The following MACROD2 variants were observed in gnomAD, a reference collection of about 807,000 sequenced individuals.
MACROD2 encodes ADP-ribose glycohydrolase MACROD2.
In MACROD2, 36 loss-of-function variants were observed where a neutral mutation model predicts 70.4. That is an observed-to-expected ratio of 0.51 (90% CI 0.39 to 0.68). The LOEUF (loss-of-function observed/expected upper bound fraction) is 0.68, where lower values mean the gene tolerates loss of function less well. Among genes scored for constraint, MACROD2 ranks in the 30% least tolerant of loss-of-function variants. The pLI, the probability that MACROD2 is intolerant of heterozygous loss-of-function variation, is 0.00. For synonymous variants in MACROD2, 172 were observed against 178.8 expected, an observed-to-expected ratio of 0.96 and a Z score of 0.30; for missense variants, 496 against 538.4, an observed-to-expected ratio of 0.92 and a Z score of 0.78.
At chr20:14,047,218 A>T (rs577575435) in intron 2 of MACROD2, among the ~76,000 whole-genome samples, 1 of 152,204 alleles carries the variant, frequency 6.6e-6, no homozygotes, top group Admixed American at 6.5e-5. Flanking sequence ...AGGCCGAGGT[A>T]GGCGGATCAC....
intron 3 of MACROD2, among the ~76,000 whole-genome samples, chr20:14,162,324 TGAG>T (rs1220341045): frequency 2.0e-5 from 3 of 152,220 alleles, no homozygotes; most frequent in Non-Finnish European, 2.9e-5. Flanking sequence ...CATGTGCTTA[TGAG>T]AAGAACATTT....
At chr20:15,406,781 A>T (rs1167502715) in intron 6 of MACROD2, among the ~76,000 whole-genome samples, 1 of 152,194 alleles carries the variant, frequency 6.6e-6, no homozygotes. Context: ...ATAGCAGCTG[A>T]GCACAGGGAG....
At chr20:14,550,094 T>G (rs1194041245) in intron 4 of MACROD2, among the ~76,000 whole-genome samples, 1 of 152,072 alleles carries the variant, frequency 6.6e-6, no homozygotes, top group Non-Finnish European at 1.5e-5. Flanking sequence ...AGCTAATTTT[T>G]GTATTTTTAG....
intron 2 of MACROD2, among the ~76,000 whole-genome samples, chr20:14,065,261 C>T (rs2053742201): frequency 6.6e-6 from 1 of 152,212 alleles, no homozygotes; most frequent in Admixed American, 6.5e-5. Context: ...GGACTCCTCG[C>T]ATCTGATCTG....
At chr20:15,217,018 T>G (rs1601243001) in intron 5 of MACROD2, among the ~76,000 whole-genome samples, 1 of 152,126 alleles carries the variant, frequency 6.6e-6, no homozygotes, top group Admixed American at 6.5e-5. Context: ...TTAGGAAATT[T>G]CCAGCCACAG....
At chr20:15,580,923 C>T (rs930754625) in intron 8 of MACROD2, among the ~76,000 whole-genome samples, 1 of 152,174 alleles carries the variant, frequency 6.6e-6, no homozygotes, top group Non-Finnish European at 1.5e-5. Context: ...GCCTGCACAA[C>T]AGACAATGGT....
chr20:14,789,660 G>A (rs143992725), intron 5 of MACROD2, among the ~76,000 whole-genome samples: 1 of 151,170 alleles, frequency 6.6e-6, no homozygotes, highest in Non-Finnish European at 1.5e-5. Context: ...ATTTTTAGTA[G>A]AAGCGAGGTT....
At chr20:15,051,005 T>C (rs2075435422) in intron 5 of MACROD2, among the ~76,000 whole-genome samples, 1 of 152,054 alleles carries the variant, frequency 6.6e-6, no homozygotes, top group Non-Finnish European at 1.5e-5. Context: ...GCTGAGAAAA[T>C]TCTTCATTTT....
At chr20:15,014,782 TATAATCCGTA>T (rs1237921873) in intron 5 of MACROD2, among the ~76,000 whole-genome samples, 1 of 152,190 alleles carries the variant, frequency 6.6e-6, no homozygotes, top group Non-Finnish European at 1.5e-5. Context: ...AGTACTGTTA[TATAATCCGTA>T]ACAGATTTGC....
intron 3 of MACROD2, among the ~76,000 whole-genome samples, chr20:14,239,175 A>G (rs975151732): frequency 1.2e-4 from 18 of 152,212 alleles, no homozygotes; most frequent in Admixed American, 1.2e-3. Flanking sequence ...ATAGAGGTTA[A>G]AGGTCTCTAC....
chr20:14,404,608 A>AT (rs11480909), intron 3 of MACROD2, among the ~76,000 whole-genome samples: 2 of 148,266 alleles, frequency 1.3e-5, no homozygotes, highest in Non-Finnish European at 3.0e-5. Flanking sequence ...CAAAAAAAAA[A>AT]TAATAATATA....
chr20:14,555,244 C>T (rs918633985), intron 4 of MACROD2, among the ~76,000 whole-genome samples: 1 of 152,140 alleles, frequency 6.6e-6, no homozygotes. Context: ...AACATATACA[C>T]TATGTACCCC....
chr20:15,738,585 T>TCC (rs2051059656), intron 8 of MACROD2, among the ~76,000 whole-genome samples: 1 of 152,078 alleles, frequency 6.6e-6, no homozygotes, highest in South Asian at 2.1e-4. Flanking sequence ...AAAATAACAC[T>TCC]CATAGGGAAA....
At chr20:15,423,994 T>A (rs77017708) in intron 6 of MACROD2, among the ~76,000 whole-genome samples, 6,581 of 152,198 alleles carry the variant, frequency 0.043, 187 homozygotes, top group Middle Eastern at 0.079. Context: ...AACTTATCCT[T>A]GTATTCTCAC....
chr20:14,083,072 G>A (rs1419688515), intron 2 of MACROD2, among the ~76,000 whole-genome samples: 2 of 150,152 alleles, frequency 1.3e-5, no homozygotes, highest in African/African-American at 4.9e-5. Context: ...TTAGTATTGT[G>A]GTCCATGAAT....
intron 8 of MACROD2, among the ~76,000 whole-genome samples, chr20:15,601,800 G>A (rs912035948): frequency 3.5e-4 from 54 of 152,242 alleles, no homozygotes; most frequent in Non-Finnish European, 5.6e-4. Flanking sequence ...AGGCCGAGGC[G>A]GGTGGATCAC....
At chr20:15,413,270 A>C (rs444162) in intron 6 of MACROD2, among the ~76,000 whole-genome samples, 23,228 of 152,168 alleles carry the variant, frequency 0.15, 2,251 homozygotes, top group African/African-American at 0.27. Context: ...GTAAATGAGA[A>C]TCAAGGTTGA....
chr20:15,950,630 C>A (rs6074977), intron 12 of MACROD2, among the ~76,000 whole-genome samples: 141,487 of 152,264 alleles, frequency 0.93, 66,049 homozygotes, highest in East Asian at 1. Context: ...TGCTGGAAAA[C>A]GGCACTTCCT....
chr20:14,794,823 A>G (rs2072492358), intron 5 of MACROD2, among the ~76,000 whole-genome samples: 1 of 152,086 alleles, frequency 6.6e-6, no homozygotes, highest in Non-Finnish European at 1.5e-5. Flanking sequence ...TCTAGTGGAG[A>G]CAAGTAGAAA....
Sources: gnomAD v4.1 joint callset for allele counts (sites outside exome capture counted in the v4.1 genomes callset) on GRCh38, gnomAD v4.1.1 for gene constraint, MANE v1.5 for transcripts, NCBI Gene and HGNC (gene_info 2026-07-23, HGNC 2026-07-21) for gene names.